Variants in NTNG2 observed in about 807,000 individuals in gnomAD.
NTNG2 encodes the protein netrin G2, also known as netrin-G2.
NTNG2 carries 15 observed loss-of-function variants against 47.6 expected under a neutral mutation model. The observed-to-expected ratio is 0.32, with a 90% confidence interval of 0.21 to 0.49. The LOEUF is 0.49. Ranked by LOEUF, NTNG2 falls within the 20% of genes least tolerant of loss-of-function variation. NTNG2 has a pLI of 0.99. For synonymous variants in NTNG2, 307 were observed against 324.6 expected, an observed-to-expected ratio of 0.95 and a Z score of 0.58; for missense variants, 578 against 764.6, an observed-to-expected ratio of 0.76 and a Z score of 2.88.
rs547821071 is a variant in NTNG2, at chr9:132,180,270, A to C, written c.213+13226A>C. Among the ~76,000 whole-genome samples, 1 of 152,366 alleles carries C rather than the reference A, an allele frequency of 6.6e-6. No homozygotes were observed. Among genetic ancestry groups the C allele is most frequent in the East Asian group, 1.9e-4 (1 of 5,186 alleles). ...TCGGGCAAAAGGTGAAGAAGAGACC[A>C]ATGAGAGATGAGCCCACGGTGCTCC... is the stretch of plus-strand genomic sequence containing the variant. On this transcript the variant is annotated intron_variant, in intron 2 of 7. Coordinates refer to ENST00000393229, the MANE Select transcript of NTNG2 (RefSeq NM_032536.4). This position sits in a 1 kb window ranked among gnomAD's most constrained non-coding sequence, Gnocchi z 4.2.
chr9:132,167,163 C>G, intron 2 of NTNG2, 119 bp downstream of exon 2: 6 of 1,094,758 alleles, frequency 5.5e-6, no homozygotes, highest in Non-Finnish European at 8.0e-6. Context: ...TTTCCTGCCT[C>G]TTGACCAGGT....
intron 5 of NTNG2, among the ~76,000 whole-genome samples, chr9:132,238,037 C>G (rs1351206768): frequency 2.0e-5 from 3 of 150,016 alleles, no homozygotes; most frequent in African/African-American, 7.4e-5. Flanking sequence ...CATCCCATCA[C>G]AAAAGGGAAG....
rs143538035 is a variant in NTNG2, at chr9:132,178,152, G to A, written c.213+11108G>A. Reference sequence around the variant, plus strand: ...CATTTGATGACTAGGCCACAGTGAGGCCTGAGGAGGGGAAAAATCCCAATG... The same window carrying A: ...CATTTGATGACTAGGCCACAGTGAGACCTGAGGAGGGGAAAAATCCCAATG... On this transcript the variant is annotated intron_variant, in intron 2 of 7. Transcript: ENST00000393229. 1.6e-4 allele frequency among the ~76,000 whole-genome samples: 24 copies of A among 152,308 alleles called. No individual in the cohort carries two copies. The East Asian group carries it at 3.3e-3, about 21-fold the overall frequency.
At chr9:132,177,902 C>T (rs1033140551) in intron 2 of NTNG2, among the ~76,000 whole-genome samples, 2 of 152,194 alleles carry the variant, frequency 1.3e-5, no homozygotes, top group Non-Finnish European at 2.9e-5. Context: ...AGTGATCTGC[C>T]CACCTCGGCC....
chr9:132,173,465 A>G (rs1287354073), intron 2 of NTNG2, among the ~76,000 whole-genome samples: 1 of 152,154 alleles, frequency 6.6e-6, no homozygotes, highest in African/African-American at 2.4e-5. Flanking sequence ...CTTTCCAAAG[A>G]ATGTCAGAGA....
rs1345395694 is a variant in NTNG2, at chr9:132,198,333, T to G, written c.581T>G (p.Leu194Arg). The change falls in exon 3 of 8, where the codon CTC becomes CGC. Residue 194 changes from leucine to arginine, a missense_variant. Physicochemically the swap from Leu to Arg is moderately radical, Grantham distance 102. Coordinates refer to ENST00000393229, the MANE Select transcript of NTNG2 (RefSeq NM_032536.4). Reference sequence around the variant, plus strand: ...TCATCCTCCAGCGCGCACCGCGTGCTCTGCACCGAGGAGTACTCGCGCTGG... The same window carrying G: ...TCATCCTCCAGCGCGCACCGCGTGCGCTGCACCGAGGAGTACTCGCGCTGG... ...DMSSSSAHRV[L>R]CTEEYSRWAG... 3.1e-6 allele frequency: 5 copies of G among 1,612,716 alleles called. No homozygotes were observed. The highest frequency in any genetic ancestry group is 1.3e-5 in the African/African-American group (1 of 74,942).
At chr9:132,167,178 AC>A in intron 2 of NTNG2, 134 bp downstream of exon 2, 2 of 899,754 alleles carry the variant, frequency 2.2e-6, no homozygotes, top group Non-Finnish European at 3.4e-6. Context: ...CCAGGTCTGG[AC>A]CAGACCTGGA....
intron 2 of NTNG2, among the ~76,000 whole-genome samples, chr9:132,181,637 A>G (rs1836948002): frequency 1.3e-5 from 2 of 152,128 alleles, no homozygotes; most frequent in Non-Finnish European, 2.9e-5. Context: ...TCTTGATTCT[A>G]TATCCTTCTC....
chr9:132,234,905 C>T (rs979690230), intron 5 of NTNG2, among the ~76,000 whole-genome samples: 1 of 152,268 alleles, frequency 6.6e-6, no homozygotes, highest in Non-Finnish European at 1.5e-5. Context: ...TTCCCCACAG[C>T]CACCGTTGTG....
chr9:132,217,186 T>A (rs543599014), intron 3 of NTNG2, among the ~76,000 whole-genome samples: 57 of 152,376 alleles, frequency 3.7e-4, no homozygotes, highest in African/African-American at 1.4e-3. Flanking sequence ...CACGAGGATT[T>A]GTTTAATAAT....
intron 5 of NTNG2, chr9:132,232,080 C>G (rs1197460048): frequency 6.6e-6 from 1 of 152,294 alleles, no homozygotes. Flanking sequence ...GCTCCCAGAC[C>G]ATTGTGGCCA....
chr9:132,241,243 C>T (rs1589574892), intron 7 of NTNG2, among the ~76,000 whole-genome samples, 199 bp downstream of exon 7: 1 of 97,444 alleles, frequency 1.0e-5, no homozygotes, highest in Non-Finnish European at 2.1e-5. Context: ...GGGGCAGGGC[C>T]GGGGCAGTGG....
intron 2 of NTNG2, among the ~76,000 whole-genome samples, chr9:132,188,389 C>T (rs1010265685): frequency 5.9e-5 from 9 of 152,254 alleles, no homozygotes; most frequent in African/African-American, 2.2e-4. Context: ...CAGGCAACAG[C>T]GTCCTTTCCC....
intron 3 of NTNG2, among the ~76,000 whole-genome samples, chr9:132,213,991 C>T (rs900449096): frequency 3.3e-5 from 5 of 152,208 alleles, no homozygotes; most frequent in Admixed American, 2.0e-4. Flanking sequence ...AGCACCTGCC[C>T]ACCCCAGTTC....
intron 2 of NTNG2, among the ~76,000 whole-genome samples, chr9:132,186,604 C>T (rs1425106928): frequency 1.3e-5 from 2 of 152,216 alleles, no homozygotes; most frequent in Admixed American, 6.5e-5. Context: ...TTGACCCTCT[C>T]CCGGGCAGCT....
chr9:132,239,916 A>G (rs950224493), intron 6 of NTNG2, among the ~76,000 whole-genome samples: 1 of 152,272 alleles, frequency 6.6e-6, no homozygotes, highest in Non-Finnish European at 1.5e-5. Context: ...GTGGGCACCC[A>G]GTCTGCTTTC....
chr9:132,237,641 T>C, intron 5 of NTNG2, among the ~76,000 whole-genome samples: 1 of 151,414 alleles, frequency 6.6e-6, no homozygotes, highest in East Asian at 1.9e-4. Context: ...CCTCCTGGAG[T>C]AGCTGGGTCA....
intron 5 of NTNG2, among the ~76,000 whole-genome samples, chr9:132,234,567 G>A (rs1405973272): frequency 1.3e-5 from 2 of 152,244 alleles, no homozygotes; most frequent in Non-Finnish European, 2.9e-5. Context: ...TTTGAACAGA[G>A]TCCAGCTGGG....
chr9:132,233,583 G>A (rs978553587), intron 5 of NTNG2: 1 of 152,194 alleles, frequency 6.6e-6, no homozygotes, highest in Non-Finnish European at 1.5e-5. Flanking sequence ...GACATTAGGG[G>A]AGGAGGTGGC....
Sources: gnomAD v4.1 joint callset for allele counts (sites outside exome capture counted in the v4.1 genomes callset) on GRCh38, gnomAD v4.1.1 for gene constraint, Gnocchi (gnomAD v3.1) non-coding constraint, MANE v1.5 for transcripts, NCBI Gene and HGNC (gene_info 2026-07-23, HGNC 2026-07-21) for gene names.